The following COPA variants were observed in gnomAD, a reference collection of about 807,000 sequenced individuals.
The protein encoded by COPA is coat protein complex I subunit alpha.
In COPA, 10 loss-of-function variants were observed where a neutral mutation model predicts 158.7. The ratio of observed to expected loss-of-function variants is 0.06; its 90% CI spans 0.04 to 0.11. The LOEUF (loss-of-function observed/expected upper bound fraction) is 0.11. Among genes scored for constraint, COPA ranks in the 10% least tolerant of loss-of-function variants. COPA has a pLI of 1.00. For synonymous variants in COPA, 462 were observed against 542.8 expected (o/e 0.85, Z 2.07); for missense variants, 1,065 against 1,536.7 (o/e 0.69, Z 5.13).
Position 160,343,049 on chromosome 1 carries a change from A to G in COPA, c.40+82T>C. On this transcript the variant is annotated intron_variant, in intron 1 of 32. Coordinates refer to ENST00000241704, the MANE Select transcript of COPA (RefSeq NM_004371.4). ...GTCTGGTGGGCCCATTTCGACCAAC[A>G]CCTCTACCCATTTTCTCTTCCCCGG... The G allele has an allele frequency of 5.8e-6, 9 of 1,555,390 alleles. No homozygotes were observed. The South Asian group carries it at 8.9e-5, about 15-fold the overall frequency.
rs748652889 is a variant in COPA, at chr1:160,340,003, T to A, written c.155-21A>T. On this transcript the variant is annotated intron_variant, in intron 2 of 32. Transcript: ENST00000241704. ...TGGACCTGGTGGAGAAGGCAGGCAA[T>A]GTATGTTAGACAGAGCTATCCTTTC... 5.6e-6 allele frequency: 9 copies of A among 1,613,158 alleles called. No individual in the cohort carries two copies. In the East Asian group the frequency reaches 2.0e-4, roughly 36 times the overall value.
At chr1:160,293,590 G>T in intron 25 of COPA, 127 bp from the exon 26 acceptor site, 1 of 701,326 alleles carries the variant, frequency 1.4e-6, no homozygotes, top group Non-Finnish European at 2.3e-6. Context: ...TGCCTCCCAT[G>T]CTCAAGCAAT....
Position 160,290,209 on chromosome 1 carries a change from T to C in COPA, c.3623A>G (p.Glu1208Gly). ...TAAACCAATCACATCTTTGCCAATC[T>C]CTGTCACCTGTGGAAAAACAAACAA... ...GQICRVTTVT[E>G]IGKDVIGLRI... The change falls in exon 33 of 33, where the codon GAG becomes GGG. Residue 1208 changes from glutamate to glycine, a missense_variant. Transcript: ENST00000241704. The C allele has an allele frequency of 6.2e-7, 1 of 1,614,086 alleles. No homozygotes were observed. The highest frequency in any genetic ancestry group is 1.1e-5 in the South Asian group (1 of 91,074).
intron 2 of COPA, 43 bp downstream of exon 2, chr1:160,340,138 T>C (rs368074261): frequency 3.6e-5 from 55 of 1,514,964 alleles, no homozygotes; most frequent in Non-Finnish European, 4.9e-5. Context: ...CAGGATATTA[T>C]AAATACTTAT....
intron 8 of COPA, among the ~76,000 whole-genome samples, chr1:160,316,827 A>C (rs1402962034): frequency 6.6e-6 from 1 of 152,178 alleles, no homozygotes; most frequent in Non-Finnish European, 1.5e-5. Flanking sequence ...ATTCAAAGAA[A>C]TAATTACAGA....
Position 160,296,058 on chromosome 1 carries a change from C to T in COPA, c.2352+3G>A, listed in dbSNP as rs776569060. 3 of 1,612,634 alleles carry T rather than the reference C, an allele frequency of 1.9e-6. No homozygotes were observed. Among genetic ancestry groups the T allele is most frequent in the Non-Finnish European group, 2.5e-6 (3 of 1,178,678 alleles). ...AGAGACAATTATGTAAATAAAGACT[C>T]ACTGTCTCCTTCTCTGGGTCAAATG... On this transcript the variant is annotated splice_donor_region_variant and intron_variant, in intron 22 of 32. Coordinates refer to ENST00000241704, the MANE Select transcript of COPA (RefSeq NM_004371.4).
chr1:160,321,932 TA>T (rs1659341327), intron 8 of COPA, among the ~76,000 whole-genome samples: 1 of 152,102 alleles, frequency 6.6e-6, no homozygotes, highest in African/African-American at 2.4e-5. Flanking sequence ...AGGAAAACTA[TA>T]AAACTCTGAT....
intron 28 of COPA, 71 bp downstream of exon 28, chr1:160,292,413 T>C: frequency 1.2e-6 from 2 of 1,605,242 alleles, no homozygotes; most frequent in Non-Finnish European, 1.7e-6. Flanking sequence ...TCTGACTATG[T>C]CACTGAGGCT....
At chr1:160,333,713 T>G in intron 4 of COPA, 34 bp from the exon 5 acceptor site, 2 of 1,523,142 alleles carry the variant, frequency 1.3e-6, no homozygotes, top group South Asian at 2.3e-5. Context: ...CTTTAAACAT[T>G]AAACAAATCT....
chr1:160,316,491 C>A (rs1360678727), intron 8 of COPA, among the ~76,000 whole-genome samples: 2 of 152,122 alleles, frequency 1.3e-5, no homozygotes, highest in South Asian at 4.1e-4. Context: ...TGGCTCATGC[C>A]TGTAATCATA....
In COPA at chr1:160,342,234, T is replaced by C. The variant is rs533117952; in HGVS notation, c.40+897A>G. On this transcript the variant is annotated intron_variant, in intron 1 of 32. Coordinates refer to ENST00000241704, the MANE Select transcript of COPA (RefSeq NM_004371.4). ...AAGTCACAGCTTGTTAGTGGATGTC[T>C]CAGGATTCCAAGGCAAGCCCATCTG... 2.6e-5 allele frequency among the ~76,000 whole-genome samples: 4 copies of C among 152,352 alleles called. No individual in the cohort carries two copies. In the East Asian group the frequency reaches 7.7e-4, roughly 29 times the overall value.
In COPA at chr1:160,294,601, GAA is replaced by G; in HGVS notation, c.2567-10_2567-9del. 6.2e-7 allele frequency: 1 copy of G among 1,613,948 alleles called. No homozygotes were observed. The highest frequency in any genetic ancestry group is 8.5e-7 in the Non-Finnish European group (1 of 1,179,888). ...TAGCCTCCACAAACCCATCTGTAAG[GAA>G]AATTCAAGCTCAAAACAGATTTGGG... On this transcript the variant is annotated splice_polypyrimidine_tract_variant and intron_variant, in intron 24 of 32. Transcript: ENST00000241704.
Position 160,332,801 on chromosome 1 carries a change from A to G in COPA, c.387-244T>C, listed in dbSNP as rs138345026. Among the ~76,000 whole-genome samples, 106 of 152,368 alleles carry G rather than the reference A, an allele frequency of 7.0e-4. 1 individual carries two copies. The highest frequency in any genetic ancestry group is 2.5e-3 in the African/African-American group (102 of 41,580). On this transcript the variant is annotated intron_variant, in intron 5 of 32. Transcript: ENST00000241704. ...TACTAATTTCAGGAGGACTAAGATTACATAGCTCTTCTCTCAAAAATATTT... is the reference window on the plus strand; with the variant it reads ...TACTAATTTCAGGAGGACTAAGATTGCATAGCTCTTCTCTCAAAAATATTT...
chr1:160,342,928 GT>G (rs1383706231), intron 1 of COPA, among the ~76,000 whole-genome samples: 1 of 152,166 alleles, frequency 6.6e-6, no homozygotes, highest in Non-Finnish European at 1.5e-5. Flanking sequence ...CACTTTATAG[GT>G]AAATCGAAGC....
chr1:160,330,577 T>C (rs903644162), intron 6 of COPA, among the ~76,000 whole-genome samples: 3 of 152,224 alleles, frequency 2.0e-5, no homozygotes, highest in African/African-American at 7.2e-5. Flanking sequence ...TATGCTACAT[T>C]AACCTAAACT....
chr1:160,306,450 T>G lies in COPA; in HGVS notation c.1346A>C (p.Gln449Pro), dbSNP rs1338446005. The change falls in exon 15 of 33, where the codon CAG (glutamine) becomes CCG (proline). Residue 449 changes from glutamine (Q) to proline (P), a missense_variant. Gln to Pro is a moderately conservative substitution (Grantham distance 76, BLOSUM62 -1). Around this residue, in one of 2 missense-constraint regions of COPA, gnomAD observed 980 missense variants for 1,357.8 expected, o/e 0.72. Transcript: ENST00000241704. ...NLKNEITKKV[Q>P]VPNCDEIFYA... The stretch of plus-strand genomic sequence containing the variant: ...GAAGATCTCATCACAGTTGGGCACC[T>G]GTACCTTTTTGGTGATCTCATTCTT... 1 of 1,614,238 alleles carries G rather than the reference T, an allele frequency of 6.2e-7. No individual in the cohort carries two copies. Among genetic ancestry groups the G allele is most frequent in the East Asian group, 2.2e-5 (1 of 44,894 alleles).
rs1476635765 is a variant in COPA at position 160,305,615 on chromosome 1, G to C, written c.1529-44C>G. 7.4e-6 allele frequency: 12 copies of C among 1,614,060 alleles called. No individual in the cohort carries two copies. In the South Asian group the frequency reaches 1.2e-4, roughly 16 times the overall value. On this transcript the variant is annotated intron_variant, in intron 16 of 32. Coordinates refer to ENST00000241704, the MANE Select transcript of COPA (RefSeq NM_004371.4). Reference sequence around the variant, plus strand: ...ATGAGTGTTCTGTTGGATAGGGTAAGTGCCGTAGACTGGCAGGGATCGGGG... The same window carrying C: ...ATGAGTGTTCTGTTGGATAGGGTAACTGCCGTAGACTGGCAGGGATCGGGG...
intron 3 of COPA, among the ~76,000 whole-genome samples, chr1:160,336,364 A>T: frequency 6.6e-6 from 1 of 151,898 alleles, no homozygotes; most frequent in East Asian, 1.9e-4. Context: ...ACAGATAGAT[A>T]CCATGACTCC....
At chr1:160,292,310 C>T in intron 28 of COPA, 112 bp from the exon 29 acceptor site, 1 of 1,550,782 alleles carries the variant, frequency 6.4e-7, no homozygotes, top group South Asian at 1.2e-5. Context: ...GTTAAAGTAG[C>T]TGGGGAAGAG....
Sources: gnomAD v4.1 joint callset for allele counts (sites outside exome capture counted in the v4.1 genomes callset) on GRCh38, gnomAD v4.1.1 for gene constraint, gnomAD v4.1.1 regional missense constraint, MANE v1.5 for transcripts, NCBI Gene and HGNC (gene_info 2026-07-23, HGNC 2026-07-21) for gene names.